The following FTCDNL1 variants were observed in gnomAD, a reference collection of about 807,000 sequenced individuals.
FTCDNL1 encodes formiminotransferase N-terminal subdomain-containing protein.
FTCDNL1 carries 11 observed loss-of-function variants against 5.9 expected under a neutral mutation model. The observed-to-expected ratio is 1.87, with a 90% CI of 1.18 to 3.10. The LOEUF (loss-of-function observed/expected upper bound fraction) is 3.10, where lower values mean the gene tolerates loss of function less well. FTCDNL1 is among the 30% of genes most tolerant of loss of function. FTCDNL1 has a pLI of 0.00. For synonymous variants in FTCDNL1, 58 were observed against 24.8 expected (o/e 2.34, Z -3.99); for missense variants, 115 against 65.5 (o/e 1.76, Z -2.61).
chr2:199,711,295 C>T, the FTCDNL1 span, among the ~76,000 whole-genome samples: 1 of 141,936 alleles, frequency 7.0e-6, no homozygotes, highest in Non-Finnish European at 1.5e-5. Flanking sequence ...AAGGATGAGG[C>T]TCTGCTAAGT....
chr2:199,741,371 T>C, the FTCDNL1 span, among the ~76,000 whole-genome samples: 1 of 152,178 alleles, frequency 6.6e-6, no homozygotes, highest in South Asian at 2.1e-4. Flanking sequence ...AAGAAGTCTA[T>C]TAAATATGTA....
At chr2:199,767,484 T>C (rs1204371215) in intron 3 of FTCDNL1, among the ~76,000 whole-genome samples, 1 of 152,248 alleles carries the variant, frequency 6.6e-6, no homozygotes, top group African/African-American at 2.4e-5. Context: ...CATTAATTAA[T>C]GCCATGGTTT....
the FTCDNL1 span, among the ~76,000 whole-genome samples, chr2:199,668,666 CTATTAT>C: frequency 6.6e-6 from 1 of 152,020 alleles, no homozygotes; most frequent in African/African-American, 2.4e-5. Flanking sequence ...AGTCAGTTTC[CTATTAT>C]TATTATTACT....
the FTCDNL1 span, among the ~76,000 whole-genome samples, chr2:199,710,358 G>A: frequency 1.3e-5 from 2 of 152,086 alleles, no homozygotes; most frequent in Non-Finnish European, 2.9e-5. Flanking sequence ...TGTTGGTCAT[G>A]AGTTCAGTGT....
At chr2:199,676,471 C>T in the FTCDNL1 span, among the ~76,000 whole-genome samples, 18 of 151,982 alleles carry the variant, frequency 1.2e-4, no homozygotes, top group East Asian at 2.9e-3. Flanking sequence ...ATAATGGTCT[C>T]CAACTTTTTT....
the FTCDNL1 span, among the ~76,000 whole-genome samples, chr2:199,688,822 A>C: frequency 2.0e-5 from 3 of 152,226 alleles, no homozygotes; most frequent in African/African-American, 7.2e-5. Flanking sequence ...TCGGGTTGAT[A>C]GTGAATTCCT....
At chr2:199,699,728 T>C in the FTCDNL1 span, among the ~76,000 whole-genome samples, 7 of 152,232 alleles carry the variant, frequency 4.6e-5, no homozygotes, top group Non-Finnish European at 4.4e-5. Context: ...GTTTTTGGGA[T>C]GCAAGGTTGG....
At chr2:199,774,230 CAG>C (rs1289207240) in intron 3 of FTCDNL1, among the ~76,000 whole-genome samples, 4 of 152,124 alleles carry the variant, frequency 2.6e-5, no homozygotes, top group African/African-American at 9.7e-5. Context: ...GCATTTTTGT[CAG>C]GGCATTAAAT....
the FTCDNL1 span, among the ~76,000 whole-genome samples, chr2:199,722,208 A>G: frequency 6.6e-6 from 1 of 152,178 alleles, no homozygotes. Flanking sequence ...GCCTGTGCCT[A>G]TGTCCTGAAT....
chr2:199,815,835 A>G (rs13383225), intron 4 of FTCDNL1, among the ~76,000 whole-genome samples: 3,431 of 152,090 alleles, frequency 0.023, 130 homozygotes, highest in East Asian at 0.17. Context: ...CCCCGTCTCT[A>G]CTAAAATACA....
At chr2:199,845,831 A>G (rs989573051) in intron 3 of FTCDNL1, among the ~76,000 whole-genome samples, 2 of 151,040 alleles carry the variant, frequency 1.3e-5, no homozygotes, top group African/African-American at 4.9e-5. Context: ...GATCACCTTC[A>G]GCAAAAAAAA....
At chr2:199,710,504 A>T in the FTCDNL1 span, among the ~76,000 whole-genome samples, 7 of 152,220 alleles carry the variant, frequency 4.6e-5, no homozygotes, top group Non-Finnish European at 8.8e-5. Flanking sequence ...GCAATAAGTC[A>T]GTAGTTTGGT....
the FTCDNL1 span, among the ~76,000 whole-genome samples, chr2:199,735,654 A>G: frequency 9.2e-5 from 14 of 152,114 alleles, no homozygotes; most frequent in Non-Finnish European, 1.9e-4. Context: ...GCCCAAGTAG[A>G]AGAGTTCTTC....
At chr2:199,700,700 C>T in the FTCDNL1 span, among the ~76,000 whole-genome samples, 2 of 152,128 alleles carry the variant, frequency 1.3e-5, no homozygotes, top group Admixed American at 6.6e-5. Flanking sequence ...AAAACAGACA[C>T]ATAGAACAAG....
downstream of FTCDNL1, among the ~76,000 whole-genome samples, chr2:199,757,380 G>T (rs1698109311): frequency 3.3e-5 from 5 of 152,318 alleles, no homozygotes; most frequent in South Asian, 1.0e-3. Context: ...CCCAGTCTTG[G>T]AGAGATGACA....
At chr2:199,753,416 G>A in the FTCDNL1 span, among the ~76,000 whole-genome samples, 3 of 152,236 alleles carry the variant, frequency 2.0e-5, no homozygotes, top group Non-Finnish European at 2.9e-5. Context: ...CTGCCCTGCC[G>A]AGGATGGTGC....
the FTCDNL1 span, among the ~76,000 whole-genome samples, chr2:199,697,006 A>T: frequency 6.6e-6 from 1 of 152,204 alleles, no homozygotes. Context: ...AGAATTTCAT[A>T]ATACACTTGT....
chr2:199,724,774 G>A, the FTCDNL1 span, among the ~76,000 whole-genome samples: 2 of 151,714 alleles, frequency 1.3e-5, no homozygotes, highest in Admixed American at 6.6e-5. Flanking sequence ...CAGTTCTTTT[G>A]CATTTGCTGA....
intron 3 of FTCDNL1, among the ~76,000 whole-genome samples, chr2:199,786,030 G>A (rs914078393): frequency 6.6e-6 from 1 of 152,154 alleles, no homozygotes; most frequent in African/African-American, 2.4e-5. Context: ...ATCTAATGCT[G>A]CCACTGATCT....
Sources: gnomAD v4.1 joint callset for allele counts (sites outside exome capture counted in the v4.1 genomes callset) on GRCh38, gnomAD v4.1.1 for gene constraint, MANE v1.5 for transcripts, NCBI Gene and HGNC (gene_info 2026-07-23, HGNC 2026-07-21) for gene names.